The following PSMG2 variants were observed in gnomAD, a reference collection of about 807,000 sequenced individuals.
The protein encoded by PSMG2 is CD40 ligand-activated specific transcript 3.
Under a neutral mutation model 31.5 loss-of-function variants are expected in PSMG2, and 21 were observed. That is an observed-to-expected ratio of 0.67 (90% confidence interval 0.47 to 0.96). The LOEUF (loss-of-function observed/expected upper bound fraction) is 0.96. Ranked by LOEUF, PSMG2 falls within the 40% of genes least tolerant of loss-of-function variation. The probability of loss-of-function intolerance (pLI) is 0.00; values close to 1 mark genes in which losing one functional copy is unlikely to be tolerated. For missense variants in PSMG2, 318 were observed against 321.2 expected, an observed-to-expected ratio of 0.99 and a Z score of 0.08; for synonymous variants, 120 against 110.4, an observed-to-expected ratio of 1.09 and a Z score of -0.54.
chr18:12,702,430 G>C (rs908500662), upstream of PSMG2: 4 of 1,375,064 alleles, frequency 2.9e-6, no homozygotes, highest in Non-Finnish European at 4.1e-6. Context: ...CCGCCGGGCA[G>C]GAGGGAAAGG....
At chr18:12,697,391 C>A (rs1314577108) in intron 1 of PSMG2, 1 of 1,609,058 alleles carries the variant, frequency 6.2e-7, no homozygotes, top group Non-Finnish European at 8.5e-7. Flanking sequence ...GTTGAATCAG[C>A]CATTCTAGTT....
chr18:12,680,842 TAAAATG>T (rs778224996), intron 1 of PSMG2: 7 of 1,594,246 alleles, frequency 4.4e-6, no homozygotes, highest in Non-Finnish European at 6.0e-6. Context: ...GAAGATAAAT[TAAAATG>T]AAGTATTCAT....
intron 1 of PSMG2, chr18:12,685,304 T>C (rs1260080511): frequency 6.6e-6 from 1 of 152,056 alleles, no homozygotes; most frequent in Non-Finnish European, 1.5e-5. Context: ...CCAGCCTTAT[T>C]TTCTCTTTTT....
chr18:12,676,450 C>T (rs2039140058), intron 1 of PSMG2, among the ~76,000 whole-genome samples: 1 of 146,032 alleles, frequency 6.8e-6, no homozygotes. Flanking sequence ...AATTTTTGTA[C>T]TTTTTGTAGA....
At chr18:12,697,140 A>G (rs2039984982) in intron 1 of PSMG2, 1 of 1,040,772 alleles carries the variant, frequency 9.6e-7, no homozygotes, top group African/African-American at 1.6e-5. Flanking sequence ...CTTGGATTAT[A>G]AAAGCATTTT....
intron 1 of PSMG2, among the ~76,000 whole-genome samples, chr18:12,665,797 A>G (rs560807122): frequency 6.6e-6 from 1 of 152,176 alleles, no homozygotes. Context: ...TCCCAGGCTC[A>G]TGCAGTTCTC....
chr18:12,708,131 A>G (rs1021465669), intron 2 of PSMG2, among the ~76,000 whole-genome samples: 3 of 152,200 alleles, frequency 2.0e-5, no homozygotes, highest in Admixed American at 1.3e-4. Flanking sequence ...AAAGAAAAAG[A>G]AAAAAATTAG....
chr18:12,667,901 A>G (rs2038837886), intron 1 of PSMG2, among the ~76,000 whole-genome samples: 1 of 149,938 alleles, frequency 6.7e-6, no homozygotes, highest in African/African-American at 2.5e-5. Context: ...AGGGAGAAAC[A>G]AAGGGGGAAA....
intron 1 of PSMG2, chr18:12,686,618 C>T: frequency 4.0e-6 from 2 of 496,756 alleles, no homozygotes; most frequent in Middle Eastern, 5.6e-4. Flanking sequence ...TTCCCTTAAT[C>T]CTCATCTCCG....
chr18:12,673,067 G>A (rs1373462030), intron 1 of PSMG2: 1 of 1,013,504 alleles, frequency 9.9e-7, no homozygotes, highest in East Asian at 8.9e-5. Context: ...AAAACTGAAT[G>A]CATTTTATAT....
intron 1 of PSMG2, among the ~76,000 whole-genome samples, chr18:12,680,052 C>CA (rs560841557): frequency 0.14 from 12,409 of 87,160 alleles, 706 homozygotes; most frequent in Non-Finnish European, 0.19. Flanking sequence ...TGAGACACTG[C>CA]AAAAAAAAAA....
At chr18:12,718,434 T>G in intron 3 of PSMG2, 83 bp from the exon 4 acceptor site, 1 of 660,882 alleles carries the variant, frequency 1.5e-6, no homozygotes, top group Non-Finnish European at 2.4e-6. Context: ...TCACATAAAG[T>G]TGATGAAATA....
intron 1 of PSMG2, among the ~76,000 whole-genome samples, chr18:12,690,686 ACC>A (rs1410348551): frequency 4.0e-5 from 6 of 151,830 alleles, no homozygotes; most frequent in African/African-American, 1.2e-4. Flanking sequence ...CGATCTCCTG[ACC>A]TCTTGATCCA....
intron 1 of PSMG2, among the ~76,000 whole-genome samples, chr18:12,697,030 T>C (rs906498238): frequency 1.3e-5 from 2 of 152,234 alleles, no homozygotes; most frequent in African/African-American, 4.8e-5. Context: ...AGATTGACCA[T>C]GAAGTGCTAT....
intron 2 of PSMG2, among the ~76,000 whole-genome samples, chr18:12,708,225 A>G (rs2040288901): frequency 6.6e-6 from 1 of 152,158 alleles, no homozygotes; most frequent in African/African-American, 2.4e-5. Flanking sequence ...ACAGTGAACC[A>G]TGATGATGCC....
chr18:12,675,104 T>C (rs1003094820), intron 1 of PSMG2, among the ~76,000 whole-genome samples: 23 of 152,128 alleles, frequency 1.5e-4, no homozygotes, highest in Non-Finnish European at 1.5e-5. Context: ...TACTTAACTT[T>C]AAAGAGTTTA....
At chr18:12,671,712 G>A (rs988189441) in intron 1 of PSMG2, among the ~76,000 whole-genome samples, 2 of 138,260 alleles carry the variant, frequency 1.4e-5, no homozygotes, top group East Asian at 2.1e-4. Flanking sequence ...GCAGTGACGC[G>A]ATCTTAGCTC....
At position 12,703,133 on chromosome 18, in the gene PSMG2, C is replaced by A. The variant is rs778875860; in HGVS notation, c.26C>A (p.Ala9Asp). 1 of 1,612,244 alleles carries A rather than the reference C, an allele frequency of 6.2e-7. No homozygotes were observed. The highest frequency in any genetic ancestry group is 1.1e-5 in the South Asian group (1 of 90,710). ...ATGTTCGTTCCCTGCGGGGAGTCGG[C>A]CCCCGACCTTGCCGGCTTCACCCTC... is the stretch of plus-strand genomic sequence containing the variant. MFVPCGES[A>D]PDLAGFTLLM... The change falls in exon 1 of 7, where the codon GCC (alanine) becomes GAC (aspartate). Residue 9 changes from alanine (A) to aspartate (D), a missense_variant. Transcript: ENST00000317615.
rs71174122 is a variant in PSMG2, at chr18:12,669,032, C to CTTTTTTTTTT, written c.-37+10276_-37+10285dup. Among the ~76,000 whole-genome samples the CTTTTTTTTTT allele has an allele frequency of 4.8e-5, 2 of 41,960 alleles. 1 individual carries two copies. The allele number at this position is 41,960 out of a possible 152,430, so 27.5% of individuals were successfully genotyped here. A position where few individuals can be genotyped will look rare whatever the true frequency, so the allele number is the denominator to read the frequency against. ...GGCTTGAGCTACCGCACCCCCCGCACTTTTTTTTTTTTTTTTTTTTTTTTT... is the reference window on the plus strand; with the variant it reads ...GGCTTGAGCTACCGCACCCCCCGCACTTTTTTTTTTTTTTTTTTTTTTTTTTTTTTTTTTT... On this transcript the variant is annotated intron_variant, in intron 1 of 6. Transcript: ENST00000585331.
Sources: allele counts gnomAD v4.1 joint callset (sites outside exome capture counted in the v4.1 genomes callset), GRCh38; gene constraint gnomAD v4.1.1; transcripts MANE v1.5; gene names NCBI Gene and HGNC (gene_info 2026-07-23, HGNC 2026-07-21).